GRIK1: variants seen among roughly 807,000 people sequenced by gnomAD.
GRIK1 encodes the protein glutamate ionotropic receptor kainate type subunit 1.
GRIK1 carries 69 observed loss-of-function variants against 105.7 expected under a neutral mutation model. The observed-to-expected ratio is 0.65, with a 90% CI of 0.54 to 0.80. The LOEUF is 0.80. Among genes scored for constraint, GRIK1 ranks in the 30% least tolerant of loss-of-function variants. GRIK1 has a pLI of 0.00. For synonymous variants in GRIK1, 438 were observed against 431.3 expected (o/e 1.02, Z -0.19); for missense variants, 1,109 against 1,167.3 (o/e 0.95, Z 0.73).
At chr21:29,891,138 T>A (rs1325520432) in intron 1 of GRIK1, among the ~76,000 whole-genome samples, 3 of 152,178 alleles carry the variant, frequency 2.0e-5, no homozygotes, top group Non-Finnish European at 4.4e-5. Flanking sequence ...AAACTAGTCA[T>A]TTTTAGATCA....
Position 29,681,127 on chromosome 21 carries a change from C to T in GRIK1, c.545-7963G>A, listed in dbSNP as rs188070612. ...CAGCCTGGATGACAGAGAAAGACTC[C>T]GTCTCAAAAATAAAGTAAAAGAAAA... On this transcript the variant is annotated intron_variant, in intron 3 of 17. Coordinates refer to ENST00000327783, the MANE Select transcript of GRIK1 (RefSeq NM_001330994.2). Among the ~76,000 whole-genome samples the T allele has an allele frequency of 3.3e-5, 5 of 152,204 alleles. No homozygotes were observed. In the East Asian group the frequency reaches 7.7e-4, roughly 23 times the overall value.
chr21:29,837,755 T>TA (rs138183156), intron 1 of GRIK1, among the ~76,000 whole-genome samples: 8,215 of 152,242 alleles, frequency 0.054, 443 homozygotes, highest in African/African-American at 0.15. Flanking sequence ...ATTTAGAATA[T>TA]AAAAAACTTA....
At position 29,577,132 on chromosome 21, in the gene GRIK1, T is replaced by C. The variant is rs889998024; in HGVS notation, c.1962A>G (p.Ile654Met). 3 of 1,612,522 alleles carry C rather than the reference T, an allele frequency of 1.9e-6. No homozygotes were observed. Among genetic ancestry groups the C allele is most frequent in the Non-Finnish European group, 2.5e-6 (3 of 1,178,642 alleles). Reference sequence around the variant, plus strand: ...TGATGATTAGGGTGAAAAACCACCATATCCCTCCAACTATTCTGGTCGATA... The same window carrying C: ...TGATGATTAGGGTGAAAAACCACCACATCCCTCCAACTATTCTGGTCGATA... ...KALSTRIVGG[I>M]WWFFTLIIIS... Residue 654 changes from isoleucine to methionine, a missense_variant, in exon 14 of 18, where the codon ATA (isoleucine) becomes ATG (methionine). This residue lies in a region of GRIK1 where 264 missense variants were observed against 306.9 expected (regional missense o/e 0.86). Coordinates refer to ENST00000327783, the MANE Select transcript of GRIK1 (RefSeq NM_001330994.2).
chr21:29,553,331 A>G, intron 16 of GRIK1: 2 of 1,147,416 alleles, frequency 1.7e-6, no homozygotes, highest in Non-Finnish European at 2.1e-6. Flanking sequence ...TCCTGTAAAT[A>G]CACATTTCTA....
chr21:29,924,189 T>G (rs1344916792), intron 1 of GRIK1, among the ~76,000 whole-genome samples: 1 of 151,654 alleles, frequency 6.6e-6, no homozygotes, highest in Non-Finnish European at 1.5e-5. Flanking sequence ...TATACAAAAA[T>G]TAGCCAGGCG....
chr21:29,620,802 T>TATATATATATAGATAG (rs1276169939), intron 7 of GRIK1, among the ~76,000 whole-genome samples: 2 of 127,424 alleles, frequency 1.6e-5, no homozygotes, highest in African/African-American at 6.7e-5. Flanking sequence ...TCTATATATA[T>TATATATATATAGATAG]ATAGATATAT....
intron 1 of GRIK1, among the ~76,000 whole-genome samples, chr21:29,846,820 G>GT (rs989047081): frequency 6.6e-6 from 1 of 151,860 alleles, no homozygotes; most frequent in Non-Finnish European, 1.5e-5. Context: ...ATTTTCTTGT[G>GT]TTTTTTTGTT....
intron 14 of GRIK1, 62 bp downstream of exon 14, chr21:29,576,902 A>T (rs1396318748): frequency 5.0e-6 from 4 of 805,978 alleles, no homozygotes; most frequent in South Asian, 2.5e-5. Flanking sequence ...TTTTCGACAG[A>T]TTCTTTTATA....
At chr21:29,695,763 G>A (rs746125298) in intron 1 of GRIK1, among the ~76,000 whole-genome samples, 1 of 152,074 alleles carries the variant, frequency 6.6e-6, no homozygotes, top group Admixed American at 6.6e-5. Flanking sequence ...ATGAGCCACC[G>A]TGCCTGGCCC....
chr21:29,897,553 C>T (rs1225037326), intron 1 of GRIK1, among the ~76,000 whole-genome samples: 1 of 152,064 alleles, frequency 6.6e-6, no homozygotes, highest in Admixed American at 6.6e-5. Flanking sequence ...AATGATTTAG[C>T]TTTATTATTA....
At chr21:29,630,451 T>A (rs557458621) in intron 7 of GRIK1, 2 of 463,098 alleles carry the variant, frequency 4.3e-6, no homozygotes, top group African/African-American at 4.0e-5. Context: ...AGTACGATTA[T>A]CCTGCAGGGG....
rs148554368 is a variant in GRIK1 at position 29,554,718 on chromosome 21, G to A, written c.2607+334C>T. Reference sequence around the variant, plus strand: ...ATCTTTTTATATCTTTTCCAATTTTGGATTTATTTTTGCCTTTTTCCATCT... The same window carrying A: ...ATCTTTTTATATCTTTTCCAATTTTAGATTTATTTTTGCCTTTTTCCATCT... On this transcript the variant is annotated intron_variant, in intron 16 of 17. Transcript: ENST00000327783. 1.8e-3 allele frequency among the ~76,000 whole-genome samples: 270 copies of A among 152,144 alleles called. 1 individual carries two copies. The highest frequency in any genetic ancestry group is 6.1e-3 in the African/African-American group (255 of 41,524).
In GRIK1 at chr21:29,566,717, T is replaced by C. The variant is rs183523862; in HGVS notation, c.2131-4868A>G. ...GTAGCAAGCACTATTTTAAGAACTT[T>C]GCATATATTGATTAATCGAATCTTC... On this transcript the variant is annotated intron_variant, in intron 14 of 17. Coordinates refer to ENST00000327783, the MANE Select transcript of GRIK1 (RefSeq NM_001330994.2). 2.0e-5 allele frequency among the ~76,000 whole-genome samples: 3 copies of C among 152,348 alleles called. No homozygotes were observed. The East Asian group carries it at 5.8e-4, about 29-fold the overall frequency.
chr21:29,705,873 C>CTT (rs1325677911), intron 1 of GRIK1, among the ~76,000 whole-genome samples: 20 of 135,702 alleles, frequency 1.5e-4, no homozygotes, highest in East Asian at 2.1e-4. Flanking sequence ...CTTTTCTTTT[C>CTT]TTTTTTTTTT....
chr21:29,710,348 G>GCCTTGTCAATT (rs1048749744), intron 1 of GRIK1, among the ~76,000 whole-genome samples: 4 of 151,538 alleles, frequency 2.6e-5, no homozygotes, highest in Non-Finnish European at 4.4e-5. Context: ...TTGTGTATTG[G>GCCTTGTCAATT]CCTTGTCAAT....
intron 1 of GRIK1, among the ~76,000 whole-genome samples, chr21:29,697,707 G>A (rs1012472663): frequency 6.6e-6 from 1 of 152,048 alleles, no homozygotes; most frequent in Non-Finnish European, 1.5e-5. Context: ...ACTGTTTAAC[G>A]ATCAGCCACT....
chr21:29,654,980 C>T, intron 4 of GRIK1, 117 bp from the exon 5 acceptor site: 2 of 743,966 alleles, frequency 2.7e-6, no homozygotes, highest in Non-Finnish European at 4.8e-6. Flanking sequence ...TTTGGAAATC[C>T]ACAAACTCAG....
At chr21:29,590,384 A>G (rs576264213) in intron 10 of GRIK1, among the ~76,000 whole-genome samples, 18 of 152,344 alleles carry the variant, frequency 1.2e-4, no homozygotes, top group African/African-American at 4.3e-4. Context: ...AACTCCCTGG[A>G]GAAAGGAAAA....
At chr21:29,873,581 A>G (rs2069092858) in intron 1 of GRIK1, among the ~76,000 whole-genome samples, 1 of 152,204 alleles carries the variant, frequency 6.6e-6, no homozygotes, top group African/African-American at 2.4e-5. Context: ...TAGCTCTTTT[A>G]TGATTATATT....
Sources: allele counts gnomAD v4.1 joint callset (sites outside exome capture counted in the v4.1 genomes callset), GRCh38; gene constraint gnomAD v4.1.1; regional missense constraint gnomAD v4.1.1; transcripts MANE v1.5; gene names NCBI Gene and HGNC (gene_info 2026-07-23, HGNC 2026-07-21).